The following CORO2A variants were observed in gnomAD, a reference collection of about 807,000 sequenced individuals.
CORO2A encodes coronin-2A.
A neutral mutation model predicts 62.4 loss-of-function variants in CORO2A; 47 were observed. That is an observed-to-expected ratio of 0.75 (90% CI 0.60 to 0.96). The LOEUF (loss-of-function observed/expected upper bound fraction) is 0.96. Ranked by LOEUF, CORO2A falls within the 40% of genes least tolerant of loss-of-function variation. CORO2A has a pLI of 0.00. For synonymous variants in CORO2A, 273 were observed against 268.9 expected (o/e 1.02, Z -0.15); for missense variants, 610 against 684.1 (o/e 0.89, Z 1.21).
At chr9:98,132,410 C>A in intron 5 of CORO2A, 109 bp from the exon 6 acceptor site, 1 of 782,484 alleles carries the variant, frequency 1.3e-6, no homozygotes, top group South Asian at 1.6e-5. Flanking sequence ...TGGGAGGCCT[C>A]CCTTTCTCAC....
At chr9:98,126,495 T>C (rs1373074824) in intron 11 of CORO2A, 54 bp downstream of exon 11, 2 of 1,579,772 alleles carry the variant, frequency 1.3e-6, no homozygotes, top group Admixed American at 3.5e-5. Context: ...CTGGATCTGT[T>C]CCCCTCCACC....
intron 2 of CORO2A, among the ~76,000 whole-genome samples, chr9:98,143,727 AGG>A (rs762123342): frequency 6.6e-6 from 1 of 152,148 alleles, no homozygotes; most frequent in East Asian, 1.9e-4. Flanking sequence ...AGTATGTTTC[AGG>A]GGCCAGGGGA....
intron 3 of CORO2A, 40 bp downstream of exon 3, chr9:98,137,532 C>G: frequency 6.5e-7 from 1 of 1,542,190 alleles, no homozygotes; most frequent in Non-Finnish European, 9.0e-7. Context: ...CCCAATCCCA[C>G]TCTTCAGGAA....
In CORO2A at chr9:98,162,894, G is replaced by A. The variant is rs570213710; in HGVS notation, c.1-5234C>T. Among the ~76,000 whole-genome samples, 9 of 152,320 alleles carry A rather than the reference G, an allele frequency of 5.9e-5. No homozygotes were observed. In the South Asian group the frequency reaches 1.2e-3, roughly 21 times the overall value. ...AAGTGAGTACTGTAGCGGGCCCTTC[G>A]CCTACAGGCTGGGCCAGAACAGCCG... On this transcript the variant is annotated intron_variant, in intron 1 of 11. Coordinates refer to ENST00000375077, the MANE Select transcript of CORO2A (RefSeq NM_052820.4).
intron 8 of CORO2A, among the ~76,000 whole-genome samples, 183 bp from the exon 9 acceptor site, chr9:98,128,902 T>C (rs1189349097): frequency 3.9e-5 from 6 of 152,238 alleles, no homozygotes; most frequent in Non-Finnish European, 5.9e-5. Context: ...TTAATCAGAC[T>C]CTTCACCTTC....
In CORO2A at chr9:98,126,724, G is replaced by A; in HGVS notation, c.1271C>T (p.Pro424Leu). 6.2e-7 allele frequency: 1 copy of A among 1,614,208 alleles called. No individual in the cohort carries two copies. The change falls in exon 11 of 12, where the codon CCC becomes CTC. Residue 424 changes from proline (P) to leucine (L), a missense_variant. Physicochemically the swap from Pro to Leu is moderately conservative, Grantham distance 98. Transcript: ENST00000375077. Reference protein sequence around the residue: ...PIFNSMAPASPRLLNQTEKLA... With the variant: ...PIFNSMAPASLRLLNQTEKLA... ...CTTTTCTGTCTGATTCAAGAGCCGG[G>A]GTGAGGCTGGGGCCATGGAATTGAA...
chr9:98,131,754 G>A (rs1827412188), intron 6 of CORO2A, among the ~76,000 whole-genome samples: 1 of 152,092 alleles, frequency 6.6e-6, no homozygotes, highest in South Asian at 2.1e-4. Context: ...TCTGTCAAAT[G>A]CTCCCTCAAA....
At chr9:98,185,225 T>C (rs1005596600) in intron 1 of CORO2A, among the ~76,000 whole-genome samples, 1 of 152,174 alleles carries the variant, frequency 6.6e-6, no homozygotes, top group Non-Finnish European at 1.5e-5. Context: ...CTCCTGGGCT[T>C]CCCTATGATA....
chr9:98,129,744 C>A, intron 8 of CORO2A, 50 bp downstream of exon 8: 2 of 1,435,288 alleles, frequency 1.4e-6, no homozygotes, highest in South Asian at 2.3e-5. Flanking sequence ...CCACCTCGGC[C>A]TCCCGAAGTG....
intron 1 of CORO2A, among the ~76,000 whole-genome samples, chr9:98,186,887 C>T (rs796463160): frequency 4.6e-5 from 7 of 152,262 alleles, no homozygotes; most frequent in African/African-American, 1.7e-4. Flanking sequence ...GAGCTCACTG[C>T]CCAGGTCCCA....
intron 1 of CORO2A, among the ~76,000 whole-genome samples, chr9:98,191,722 A>G (rs886280401): frequency 6.6e-6 from 1 of 152,148 alleles, no homozygotes; most frequent in East Asian, 1.9e-4. Context: ...GCTCTGCCCC[A>G]TCCCTTAATG....
chr9:98,181,392 T>C (rs907826954), intron 1 of CORO2A, among the ~76,000 whole-genome samples: 3 of 148,222 alleles, frequency 2.0e-5, no homozygotes, highest in African/African-American at 7.5e-5. Context: ...TCCAGGCTGG[T>C]CTGGAACTCC....
chr9:98,125,040 C>T, intron 11 of CORO2A, 135 bp from the exon 12 acceptor site: 2 of 843,170 alleles, frequency 2.4e-6, no homozygotes, highest in South Asian at 2.0e-5. Flanking sequence ...GGGGCTGTCA[C>T]TGCATAGATC....
Position 98,132,254 on chromosome 9 carries a change from C to T in CORO2A, c.696G>A (p.Gly232=). ...GHRASKVLFL[G]NLKKLMSTGT... ...CTGTGGACATCAGCTTCTTCAGGTT[C>T]CCCAGAAACAGCACTTTGCTGGCCC... is the stretch of plus-strand genomic sequence containing the variant. Residue 232 remains glycine (G), a synonymous_variant, in exon 6 of 12, where the codon GGG becomes GGA. Transcript: ENST00000375077. The T allele has an allele frequency of 6.2e-7, 1 of 1,614,160 alleles. No homozygotes were observed. Among genetic ancestry groups the T allele is most frequent in the Non-Finnish European group, 8.5e-7 (1 of 1,180,028 alleles).
At chr9:98,125,360 A>G (rs554867250) in intron 11 of CORO2A, among the ~76,000 whole-genome samples, 14 of 152,310 alleles carry the variant, frequency 9.2e-5, no homozygotes, top group South Asian at 8.3e-4. Context: ...TGACACCCCT[A>G]TAAGGGTGGC....
rs778918442 is a variant in CORO2A at position 98,123,495 on chromosome 9, C to CTT, written c.*1277_*1278dup. The CTT allele has an allele frequency of 7.6e-5, 11 of 144,536 alleles. No homozygotes were observed. The highest frequency in any genetic ancestry group is 2.1e-4 in the African/African-American group (8 of 38,848). The allele number at this position is 144,536 out of a possible 1,614,324, so 9.0% of individuals were successfully genotyped here. The stretch of plus-strand genomic sequence containing the variant: ...CTTAGTCTTCCCCTATTCTCTCTCT[C>CTT]TTTTTTTTTTTTTTTTTGGAGATGG... On this transcript the variant is annotated 3_prime_UTR_variant, in exon 12 of 12. Transcript: ENST00000375077.
At position 98,122,065 on chromosome 9, in the gene CORO2A, C is replaced by G. The variant is rs1308020629; in HGVS notation, c.*2709G>C. 1 of 152,076 alleles carries G rather than the reference C, an allele frequency of 6.6e-6. No homozygotes were observed. The highest frequency in any genetic ancestry group is 1.5e-5 in the Non-Finnish European group (1 of 68,050). The allele number at this position is 152,076 out of a possible 1,614,324, so 9.4% of individuals were successfully genotyped here. Reference sequence around the variant, plus strand: ...AAGGGGCAAACAGGGGCACTGAACCCCCATCGTGCTGCAGCTGCGGTTCCC... The same window carrying G: ...AAGGGGCAAACAGGGGCACTGAACCGCCATCGTGCTGCAGCTGCGGTTCCC... On this transcript the variant is annotated 3_prime_UTR_variant, in exon 12 of 12. Transcript: ENST00000375077.
At chr9:98,133,867 C>T (rs1827446381) in intron 4 of CORO2A, among the ~76,000 whole-genome samples, 1 of 152,194 alleles carries the variant, frequency 6.6e-6, no homozygotes, top group Non-Finnish European at 1.5e-5. Context: ...GATCCTCCCA[C>T]CTCAGCCTCC....
At position 98,122,388 on chromosome 9, in the gene CORO2A, G is replaced by C. The variant is rs1455244078; in HGVS notation, c.*2386C>G. The C allele has an allele frequency of 6.6e-6, 1 of 152,196 alleles. No homozygotes were observed. Among genetic ancestry groups the C allele is most frequent in the Non-Finnish European group, 1.5e-5 (1 of 68,080 alleles). 9.4% of individuals were successfully genotyped at this position (152,196 alleles called of 1,614,324 possible). The stretch of plus-strand genomic sequence containing the variant: ...AGGGAATTCTAATGTACACAGCTTG[G>C]GTTGAAACCTACCAGACTAGGTGGC... On this transcript the variant is annotated 3_prime_UTR_variant, in exon 12 of 12. Transcript: ENST00000375077.
Sources: allele counts gnomAD v4.1 joint callset (sites outside exome capture counted in the v4.1 genomes callset), GRCh38; gene constraint gnomAD v4.1.1; transcripts MANE v1.5; gene names NCBI Gene and HGNC (gene_info 2026-07-23, HGNC 2026-07-21).